CLDN16: variants seen among roughly 807,000 people sequenced by gnomAD.
CLDN16 encodes claudin-16.
In CLDN16, 13 loss-of-function variants were observed where a neutral mutation model predicts 24.6. That is an observed-to-expected ratio of 0.53 (90% CI 0.34 to 0.84). CLDN16 has a LOEUF of 0.84. Ranked by LOEUF, CLDN16 falls within the 40% of genes least tolerant of loss-of-function variation. The pLI, the probability that CLDN16 is intolerant of heterozygous loss-of-function variation, is 0.01. For synonymous variants in CLDN16, 116 were observed against 106.7 expected (o/e 1.09, Z -0.54); for missense variants, 298 against 292.7 (o/e 1.02, Z -0.13).
chr3:190,340,788 C>T (rs1717410125), intron 1 of CLDN16, among the ~76,000 whole-genome samples: 1 of 152,112 alleles, frequency 6.6e-6, no homozygotes, highest in Non-Finnish European at 1.5e-5. Flanking sequence ...TGTGTAAAAT[C>T]AAAATCAAGT....
the CLDN16 span, among the ~76,000 whole-genome samples, chr3:190,291,435 G>A: frequency 2.7e-4 from 41 of 152,210 alleles, no homozygotes; most frequent in African/African-American, 9.4e-4. Context: ...TAACAGAAGT[G>A]AAGAGAGAAG....
At chr3:190,358,677 A>ACAG (rs1717826291) in intron 1 of CLDN16, among the ~76,000 whole-genome samples, 1 of 151,976 alleles carries the variant, frequency 6.6e-6, no homozygotes, top group Non-Finnish European at 1.5e-5. Context: ...AAAAAAAACA[A>ACAG]CAAGTTTATT....
intron 1 of CLDN16, among the ~76,000 whole-genome samples, chr3:190,335,582 C>A (rs571179687): frequency 6.6e-6 from 1 of 151,954 alleles, no homozygotes; most frequent in Admixed American, 6.5e-5. Context: ...CGTGGTGGTG[C>A]ATGCCTGTAG....
intron 3 of CLDN16, among the ~76,000 whole-genome samples, chr3:190,381,845 C>T (rs1718379085): frequency 6.6e-6 from 1 of 151,918 alleles, no homozygotes; most frequent in South Asian, 2.1e-4. Context: ...TGTTTCCTTG[C>T]CCAACATGGA....
intron 3 of CLDN16, among the ~76,000 whole-genome samples, chr3:190,380,534 C>T (rs759022453): frequency 3.3e-5 from 5 of 151,952 alleles, no homozygotes; most frequent in Non-Finnish European, 7.4e-5. Flanking sequence ...CTGAAGTATT[C>T]ATGGGTTAAG....
intron 1 of CLDN16, among the ~76,000 whole-genome samples, chr3:190,363,855 CAA>C (rs1717961192): frequency 6.6e-6 from 1 of 151,548 alleles, no homozygotes; most frequent in East Asian, 2.0e-4. Flanking sequence ...TCTTTTTTCT[CAA>C]ATCTAATCTT....
In CLDN16 at chr3:190,400,057, T is replaced by C. The variant is rs189804298; in HGVS notation, c.115-2280T>C. Among the ~76,000 whole-genome samples the C allele has an allele frequency of 1.2e-4, 18 of 152,098 alleles. No homozygotes were observed. The East Asian group carries it at 3.1e-3, about 26-fold the overall frequency. ...CCTACCCACTGGTTCCATGGAAAAA[T>C]TGTCTTGCACGAAACCGGTCCCTGG... On this transcript the variant is annotated intron_variant, in intron 1 of 4. Coordinates refer to ENST00000264734, the MANE Select transcript of CLDN16 (RefSeq NM_006580.4).
At chr3:190,293,394 A>T in the CLDN16 span, among the ~76,000 whole-genome samples, 5 of 152,226 alleles carry the variant, frequency 3.3e-5, no homozygotes, top group Admixed American at 6.5e-5. Context: ...GCCATGTAAT[A>T]TATAGGACCT....
Position 190,388,238 on chromosome 3 carries a change from T to C in CLDN16, c.-92T>C, listed in dbSNP as rs767080609. 4 of 1,613,992 alleles carry C rather than the reference T, an allele frequency of 2.5e-6. No individual in the cohort carries two copies. In the South Asian group the frequency reaches 3.3e-5, roughly 13 times the overall value. On this transcript the variant is annotated 5_prime_UTR_variant, in exon 1 of 5. Coordinates refer to ENST00000264734, the MANE Select transcript of CLDN16 (RefSeq NM_006580.4). ...AGACCAGTATTTTCACATTGCCAGG[T>C]ACCAGAAACACAGAAGACTGACACC... is the stretch of plus-strand genomic sequence containing the variant.
upstream of CLDN16, among the ~76,000 whole-genome samples, chr3:190,320,033 G>A (rs1716875938): frequency 6.6e-6 from 1 of 152,088 alleles, no homozygotes; most frequent in African/African-American, 2.4e-5. Context: ...ATTCTGATCT[G>A]GAGTTTTAAA....
chr3:190,360,394 A>G (rs531441716), intron 1 of CLDN16, among the ~76,000 whole-genome samples: 2 of 152,014 alleles, frequency 1.3e-5, no homozygotes, highest in South Asian at 4.2e-4. Flanking sequence ...TGGGTTTTAG[A>G]AAGATTTATC....
chr3:190,330,220 G>A (rs1258891987), intron 1 of CLDN16, among the ~76,000 whole-genome samples: 1 of 152,070 alleles, frequency 6.6e-6, no homozygotes. Context: ...AAACTTGAAC[G>A]ACCTTTTGTT....
Position 190,408,314 on chromosome 3 carries a change from G to A in CLDN16, c.383G>A (p.Gly128Asp), listed in dbSNP as rs104893723. 1.9e-6 allele frequency: 3 copies of A among 1,613,766 alleles called. No homozygotes were observed. Among genetic ancestry groups the A allele is most frequent in the Non-Finnish European group, 2.5e-6 (3 of 1,179,742 alleles). Residue 128 changes from glycine (G) to aspartate (D), a missense_variant and splice_region_variant, in exon 4 of 5, where the codon GGT (glycine) becomes GAT (aspartate). Transcript: ENST00000264734. Reference protein sequence around the residue: ...FVAGATLLIAGTPGIIGSVWY... With the variant: ...FVAGATLLIADTPGIIGSVWY... ...TTGTAGCATCCTCCCTTTCTTTCAG[G>A]TACCCCAGGAATCATTGGCTCTGTG...
At chr3:190,313,952 TAGA>T in the CLDN16 span, among the ~76,000 whole-genome samples, 2 of 152,190 alleles carry the variant, frequency 1.3e-5, no homozygotes, top group African/African-American at 2.4e-5. Flanking sequence ...CTATGCTGGT[TAGA>T]AGATTTTGTT....
At chr3:190,355,454 T>C (rs1717748235) in intron 1 of CLDN16, among the ~76,000 whole-genome samples, 1 of 151,900 alleles carries the variant, frequency 6.6e-6, no homozygotes, top group Admixed American at 6.6e-5. Flanking sequence ...TCGACTCTAT[T>C]TTTCTTTTTG....
chr3:190,378,314 A>G (rs935424156), intron 3 of CLDN16, among the ~76,000 whole-genome samples: 1 of 152,000 alleles, frequency 6.6e-6, no homozygotes, highest in Non-Finnish European at 1.5e-5. Context: ...ACGAGAGATA[A>G]GAGACAAAAA....
chr3:190,400,520 C>T (rs1378755709), intron 1 of CLDN16, among the ~76,000 whole-genome samples: 2 of 152,162 alleles, frequency 1.3e-5, no homozygotes, highest in African/African-American at 4.8e-5. Flanking sequence ...CGTGAGCCAC[C>T]GTGCCCGACC....
At chr3:190,293,242 T>C in the CLDN16 span, among the ~76,000 whole-genome samples, 1 of 152,140 alleles carries the variant, frequency 6.6e-6, no homozygotes, top group Non-Finnish European at 1.5e-5. Context: ...TTGGATCTCA[T>C]GAGAACACTC....
At chr3:190,383,757 A>G (rs1704764734), upstream of CLDN16, among the ~76,000 whole-genome samples, 1 of 152,174 alleles carries the variant, frequency 6.6e-6, no homozygotes. Flanking sequence ...TTTTCAACTT[A>G]GTAAGTTGTT....
Sources: gnomAD v4.1 joint callset for allele counts (sites outside exome capture counted in the v4.1 genomes callset) on GRCh38, gnomAD v4.1.1 for gene constraint, MANE v1.5 for transcripts, NCBI Gene and HGNC (gene_info 2026-07-23, HGNC 2026-07-21) for gene names.